MYO16: variants seen among roughly 807,000 people sequenced by gnomAD.
MYO16 encodes myosin XVI, also known as unconventional myosin-XVI.
In MYO16, 94 loss-of-function variants were observed where a neutral mutation model predicts 205.3. The observed-to-expected ratio is 0.46, with a 90% CI of 0.39 to 0.54. The LOEUF is 0.54. Ranked by LOEUF, MYO16 falls within the 20% of genes least tolerant of loss-of-function variation. The pLI is 0.00. For synonymous variants in MYO16, 988 were observed against 954.0 expected (o/e 1.04, Z -0.66); for missense variants, 2,315 against 2,387.5 (o/e 0.97, Z 0.63).
chr13:108,891,783 C>T (rs528986455), intron 14 of MYO16, among the ~76,000 whole-genome samples: 39 of 152,254 alleles, frequency 2.6e-4, no homozygotes, highest in Middle Eastern at 3.4e-3. Context: ...GCACTTATAT[C>T]GTTTCCTAAA....
chr13:108,929,495 T>C (rs1882154957), intron 16 of MYO16, among the ~76,000 whole-genome samples: 2 of 152,268 alleles, frequency 1.3e-5, no homozygotes, highest in Admixed American at 6.5e-5. Flanking sequence ...ACAACTAATT[T>C]GAAGAACAGT....
intron 1 of MYO16, among the ~76,000 whole-genome samples, chr13:108,639,657 A>G (rs1050249856): frequency 5.3e-5 from 8 of 152,238 alleles, no homozygotes; most frequent in African/African-American, 1.9e-4. Context: ...AGGAATTCCT[A>G]AAAGTGGAAA....
At chr13:108,945,430 G>T (rs1162139681) in intron 16 of MYO16, among the ~76,000 whole-genome samples, 1 of 152,080 alleles carries the variant, frequency 6.6e-6, no homozygotes, top group South Asian at 2.1e-4. Flanking sequence ...TTGAAAATAT[G>T]TAGCATATAA....
At chr13:108,903,082 C>T (rs1287162692) in intron 15 of MYO16, among the ~76,000 whole-genome samples, 1 of 152,156 alleles carries the variant, frequency 6.6e-6, no homozygotes, top group Non-Finnish European at 1.5e-5. Context: ...TGCCAGTTTC[C>T]TGGCTTGTGT....
chr13:108,721,927 G>A (rs1027897652), intron 3 of MYO16, among the ~76,000 whole-genome samples: 21 of 152,158 alleles, frequency 1.4e-4, no homozygotes, highest in African/African-American at 4.8e-4. Context: ...GTTGATTAAA[G>A]GGCTTGGTAA....
intron 20 of MYO16, among the ~76,000 whole-genome samples, chr13:108,982,125 G>A (rs2139416559): frequency 6.6e-6 from 1 of 152,356 alleles, no homozygotes; most frequent in East Asian, 1.9e-4. Context: ...ATACAAAGTA[G>A]CAAATATGTA....
intron 23 of MYO16, among the ~76,000 whole-genome samples, chr13:109,025,504 T>TGAGC (rs1886334553): frequency 6.6e-6 from 1 of 152,222 alleles, no homozygotes; most frequent in South Asian, 2.1e-4. Context: ...GTCTCATTAA[T>TGAGC]GAGCATGAAT....
intron 22 of MYO16, 84 bp downstream of exon 22, chr13:109,009,133 T>G: frequency 8.8e-7 from 1 of 1,141,740 alleles, no homozygotes. Context: ...TCAGGACGCC[T>G]TATTTTTGAG....
At chr13:108,551,730 T>C in the MYO16 span, among the ~76,000 whole-genome samples, 1 of 152,084 alleles carries the variant, frequency 6.6e-6, no homozygotes, top group Non-Finnish European at 1.5e-5. Context: ...ATTTAATCCA[T>C]AGCTATTTCT....
intron 20 of MYO16, among the ~76,000 whole-genome samples, chr13:108,985,201 C>A (rs114320479): frequency 0.015 from 2,258 of 152,274 alleles, 42 homozygotes; most frequent in African/African-American, 0.051. Flanking sequence ...GTACAAACCA[C>A]ACGTAGTGGA....
chr13:108,894,049 A>G (rs1044148574), intron 14 of MYO16, among the ~76,000 whole-genome samples: 7 of 152,186 alleles, frequency 4.6e-5, no homozygotes, highest in African/African-American at 7.2e-5. Flanking sequence ...CAGGAAATTT[A>G]CAGTCATGGC....
rs1283136907 is a variant in MYO16, at chr13:109,125,167, A to G, written c.3591A>G (p.Gln1197=). 3 of 1,614,046 alleles carry G rather than the reference A, an allele frequency of 1.9e-6. No homozygotes were observed. Among genetic ancestry groups the G allele is most frequent in the East Asian group, 2.2e-5 (1 of 44,892 alleles). ...TGCTTCAGAGAATAAGCATCAGACA[A>G]CAAGAGGTGACTTCTATCAATAGCT... ...QHLLQRISIR[Q]QEVTSINSFL... Residue 1197 remains glutamine, a synonymous_variant, in exon 30 of 35, where the codon CAA becomes CAG. Transcript: ENST00000457511. This position sits in a 1 kb window ranked among gnomAD's most constrained non-coding sequence, Gnocchi z 4.0.
chr13:108,997,378 GAGAGAGA>G (rs1885057549), intron 21 of MYO16, among the ~76,000 whole-genome samples: 1 of 27,264 alleles, frequency 3.7e-5, no homozygotes, highest in African/African-American at 1.1e-4. Context: ...GAGAGAGAGA[GAGAGAGA>G]GAGAGGGAGG....
chr13:108,572,609 G>A, the MYO16 span, among the ~76,000 whole-genome samples: 1 of 152,120 alleles, frequency 6.6e-6, no homozygotes, highest in Non-Finnish European at 1.5e-5. Flanking sequence ...CATAACTGTT[G>A]CCTTGCTTTA....
intron 1 of MYO16, among the ~76,000 whole-genome samples, chr13:108,605,486 A>G (rs1878920729): frequency 6.6e-6 from 1 of 152,168 alleles, no homozygotes; most frequent in Non-Finnish European, 1.5e-5. Context: ...AAGTGATTGG[A>G]TCATGAGGGC....
intron 34 of MYO16, among the ~76,000 whole-genome samples, chr13:109,203,448 T>C (rs772945273): frequency 6.6e-6 from 1 of 151,978 alleles, no homozygotes; most frequent in Non-Finnish European, 1.5e-5. Context: ...CTCTCAGTAA[T>C]TTAACCAGGA....
chr13:109,108,788 G>A (rs546119358), intron 28 of MYO16, among the ~76,000 whole-genome samples: 1 of 152,286 alleles, frequency 6.6e-6, no homozygotes, highest in African/African-American at 2.4e-5. Context: ...CAGATCTGAA[G>A]GGTGAGAAGG....
At chr13:108,843,263 A>C (rs886466710) in intron 9 of MYO16, among the ~76,000 whole-genome samples, 1 of 152,106 alleles carries the variant, frequency 6.6e-6, no homozygotes, top group Admixed American at 6.6e-5. Context: ...TTTTTATTTA[A>C]TAAGTATTTT....
intron 8 of MYO16, among the ~76,000 whole-genome samples, chr13:108,822,641 A>C (rs1355695246): frequency 6.6e-6 from 1 of 152,144 alleles, no homozygotes; most frequent in African/African-American, 2.4e-5. Context: ...TTATGGCTAG[A>C]GGGCAGACCC....
Sources: allele counts gnomAD v4.1 joint callset (sites outside exome capture counted in the v4.1 genomes callset), GRCh38; gene constraint gnomAD v4.1.1; non-coding constraint Gnocchi (gnomAD v3.1); transcripts MANE v1.5; gene names NCBI Gene and HGNC (gene_info 2026-07-23, HGNC 2026-07-21).